SLC39A11: variants seen among roughly 807,000 people sequenced by gnomAD.
SLC39A11 encodes the protein zinc transporter ZIP11.
Under a neutral mutation model 36.1 loss-of-function variants are expected in SLC39A11, and 33 were observed. The observed-to-expected ratio is 0.91, with a 90% CI of 0.69 to 1.22. The LOEUF (loss-of-function observed/expected upper bound fraction) is 1.22, where lower values mean the gene tolerates loss of function less well. Among genes scored for constraint, SLC39A11 ranks in the 50% most tolerant of loss-of-function variants. The pLI is 0.00. For missense variants in SLC39A11, 432 were observed against 430.3 expected, an observed-to-expected ratio of 1.00 and a Z score of -0.03; for synonymous variants, 166 against 170.3, an observed-to-expected ratio of 0.97 and a Z score of 0.20.
intron 7 of SLC39A11, among the ~76,000 whole-genome samples, chr17:72,690,462 G>A (rs1290655126): frequency 2.0e-5 from 3 of 152,112 alleles, no homozygotes; most frequent in African/African-American, 7.2e-5. Flanking sequence ...TTTTCCCTTG[G>A]GATATGAAAA....
chr17:72,764,931 C>T (rs1202325308), intron 6 of SLC39A11, among the ~76,000 whole-genome samples: 2 of 152,178 alleles, frequency 1.3e-5, no homozygotes, highest in Non-Finnish European at 2.9e-5. Context: ...GCAGTGATCT[C>T]ACCAACCTCC....
At chr17:72,731,991 T>C (rs1479026423) in intron 7 of SLC39A11, among the ~76,000 whole-genome samples, 1 of 149,024 alleles carries the variant, frequency 6.7e-6, no homozygotes, top group African/African-American at 2.5e-5. Flanking sequence ...CCTCCCAAAG[T>C]GGTGAGATTA....
chr17:72,892,409 C>CAAAAAAAAAAA (rs565811065), intron 5 of SLC39A11, among the ~76,000 whole-genome samples: 1 of 65,664 alleles, frequency 1.5e-5, no homozygotes, highest in African/African-American at 5.6e-5. Flanking sequence ...GACTCCATCT[C>CAAAAAAAAAAA]AAAAAAAAAA....
intron 6 of SLC39A11, chr17:72,823,598 C>T (rs2077887272): frequency 6.6e-6 from 1 of 151,496 alleles, no homozygotes; most frequent in Non-Finnish European, 1.5e-5. Context: ...GTTCTGAGAT[C>T]ACCAACACCT....
At chr17:72,649,763 T>C (rs550889437) in intron 7 of SLC39A11, among the ~76,000 whole-genome samples, 1 of 152,096 alleles carries the variant, frequency 6.6e-6, no homozygotes, top group South Asian at 2.1e-4. Flanking sequence ...CAGCTAATTT[T>C]TGTATTTTTA....
At chr17:72,717,179 T>A (rs2073441581) in intron 7 of SLC39A11, among the ~76,000 whole-genome samples, 1 of 149,530 alleles carries the variant, frequency 6.7e-6, no homozygotes, top group Admixed American at 6.7e-5. Flanking sequence ...AAAATAAAAA[T>A]TTTAAAAAAT....
At chr17:72,904,802 G>C (rs1460445501) in intron 5 of SLC39A11, among the ~76,000 whole-genome samples, 1 of 152,142 alleles carries the variant, frequency 6.6e-6, no homozygotes, top group Non-Finnish European at 1.5e-5. Context: ...TGGGCAGGAG[G>C]GCATGGCTGC....
At chr17:73,005,448 A>G (rs1020738980) in intron 4 of SLC39A11, among the ~76,000 whole-genome samples, 1 of 152,180 alleles carries the variant, frequency 6.6e-6, no homozygotes, top group Non-Finnish European at 1.5e-5. Context: ...GTGTTATTTT[A>G]TTTAACCCTC....
intron 7 of SLC39A11, among the ~76,000 whole-genome samples, chr17:72,724,565 T>C (rs1415078456): frequency 6.6e-6 from 1 of 152,038 alleles, no homozygotes; most frequent in Non-Finnish European, 1.5e-5. Context: ...TACAGACAGA[T>C]CAGCTCTTAG....
At chr17:72,751,875 C>A (rs557890273) in intron 6 of SLC39A11, among the ~76,000 whole-genome samples, 1 of 152,178 alleles carries the variant, frequency 6.6e-6, no homozygotes, top group South Asian at 2.1e-4. Flanking sequence ...CTGCACCCGG[C>A]TCCAGAGCTC....
chr17:72,648,330 TAAAAA>T (rs10715471), intron 9 of SLC39A11, among the ~76,000 whole-genome samples: 2 of 126,078 alleles, frequency 1.6e-5, no homozygotes. Context: ...ACTCTGCCAT[TAAAAA>T]AAAAAAAAAA....
chr17:72,777,873 G>GTATA (rs1412214347), intron 6 of SLC39A11, among the ~76,000 whole-genome samples: 1 of 123,118 alleles, frequency 8.1e-6, no homozygotes, highest in African/African-American at 3.5e-5. Context: ...ATGTATATAT[G>GTATA]TATGTATGTA....
At chr17:72,898,276 C>G (rs1028950041) in intron 5 of SLC39A11, among the ~76,000 whole-genome samples, 20 of 152,300 alleles carry the variant, frequency 1.3e-4, no homozygotes, top group Non-Finnish European at 2.8e-4. Flanking sequence ...ACACTGGGAG[C>G]TCCTCAAGGG....
chr17:72,852,098 G>A (rs1171681202), intron 5 of SLC39A11, among the ~76,000 whole-genome samples: 2 of 150,714 alleles, frequency 1.3e-5, no homozygotes, highest in African/African-American at 2.4e-5. Flanking sequence ...CTATTCGGGA[G>A]GCTGAGTGAG....
intron 7 of SLC39A11, among the ~76,000 whole-genome samples, chr17:72,699,870 G>T (rs770070351): frequency 1.1e-4 from 16 of 152,082 alleles, no homozygotes; most frequent in Non-Finnish European, 2.2e-4. Context: ...CTAGCTTTCG[G>T]GTTTGCTACC....
At chr17:72,912,397 T>C (rs574894374) in intron 5 of SLC39A11, among the ~76,000 whole-genome samples, 78 of 151,224 alleles carry the variant, frequency 5.2e-4, no homozygotes, top group Middle Eastern at 6.9e-3. Flanking sequence ...GAAGAGAAAG[T>C]GGCTGTTAAC....
intron 5 of SLC39A11, among the ~76,000 whole-genome samples, chr17:72,917,514 T>C (rs2083401522): frequency 6.6e-6 from 1 of 152,030 alleles, no homozygotes; most frequent in African/African-American, 2.4e-5. Context: ...ACAGAGCAGC[T>C]AACAGGGGAG....
At chr17:72,713,503 G>A (rs2073202556) in intron 7 of SLC39A11, among the ~76,000 whole-genome samples, 1 of 152,318 alleles carries the variant, frequency 6.6e-6, no homozygotes, top group Admixed American at 6.5e-5. Context: ...CAGGTCAACA[G>A]AGTGAAACCC....
At chr17:73,041,900 G>C (rs1453110390) in intron 3 of SLC39A11, among the ~76,000 whole-genome samples, 1 of 152,068 alleles carries the variant, frequency 6.6e-6, no homozygotes, top group East Asian at 1.9e-4. Context: ...ACCTAGAAAG[G>C]CTCATAATCC....
Sources: gnomAD v4.1 joint callset for allele counts (sites outside exome capture counted in the v4.1 genomes callset) on GRCh38, gnomAD v4.1.1 for gene constraint, MANE v1.5 for transcripts, NCBI Gene and HGNC (gene_info 2026-07-23, HGNC 2026-07-21) for gene names.